Variants in PKD1L1 observed in about 807,000 individuals in gnomAD.
PKD1L1 encodes the protein polycystin 1 like 1, transient receptor potential channel interacting.
A neutral mutation model predicts 323.4 loss-of-function variants in PKD1L1; 236 were observed. The ratio of observed to expected loss-of-function variants is 0.73; its 90% CI spans 0.66 to 0.81. The LOEUF is 0.81. Ranked by LOEUF, PKD1L1 falls within the 40% of genes least tolerant of loss-of-function variation. The pLI is 0.00. For missense variants in PKD1L1, 3,320 were observed against 3,508.0 expected, an observed-to-expected ratio of 0.95 and a Z score of 1.35; for synonymous variants, 1,344 against 1,335.0, an observed-to-expected ratio of 1.01 and a Z score of -0.15.
chr7:47,938,633 G>A (rs1036637451), intron 3 of PKD1L1, among the ~76,000 whole-genome samples: 1 of 152,316 alleles, frequency 6.6e-6, no homozygotes, highest in East Asian at 1.9e-4. Context: ...AGAGCAGAGC[G>A]GCCAGAATGC....
chr7:47,937,705 C>G (rs80325961), intron 3 of PKD1L1, among the ~76,000 whole-genome samples: 1 of 152,008 alleles, frequency 6.6e-6, no homozygotes, highest in Non-Finnish European at 1.5e-5. Flanking sequence ...ATGGGGTGGC[C>G]GGGCTGGCTG....
chr7:47,796,864 G>T (rs1165351178), intron 54 of PKD1L1, among the ~76,000 whole-genome samples: 11 of 150,582 alleles, frequency 7.3e-5, no homozygotes, highest in African/African-American at 2.4e-4. Flanking sequence ...GCTGGGTGTG[G>T]TGGTGGGCAC....
chr7:47,870,491 C>CA (rs149874257), intron 24 of PKD1L1, among the ~76,000 whole-genome samples: 2,599 of 150,764 alleles, frequency 0.017, 57 homozygotes, highest in African/African-American at 0.059. Context: ...AACTGTATGC[C>CA]AAAAAAAATA....
chr7:47,829,728 A>G (rs2128734920), intron 43 of PKD1L1, 127 bp from the exon 44 acceptor site: 6 of 1,040,150 alleles, frequency 5.8e-6, no homozygotes, highest in Non-Finnish European at 8.3e-6. Context: ...ACCAGTAGTC[A>G]CTGCCTTGGA....
chr7:47,792,859 A>C (rs1184641453), intron 55 of PKD1L1, 62 bp from the exon 56 acceptor site: 80 of 1,462,944 alleles, frequency 5.5e-5, no homozygotes, highest in Non-Finnish European at 6.1e-5. Flanking sequence ...CCCTTTCCTC[A>C]TTATGTGAAG....
At chr7:47,926,794 C>T (rs771465228) in intron 7 of PKD1L1, among the ~76,000 whole-genome samples, 2 of 151,948 alleles carry the variant, frequency 1.3e-5, no homozygotes, top group Admixed American at 6.5e-5. Flanking sequence ...TTGTGGCAAC[C>T]GAATTCCAGC....
At chr7:47,785,105 T>C (rs1392028335) in intron 56 of PKD1L1, among the ~76,000 whole-genome samples, 5 of 152,158 alleles carry the variant, frequency 3.3e-5, no homozygotes, top group Non-Finnish European at 7.3e-5. Context: ...TCTAGGAATA[T>C]ACTGGTCCTT....
intron 8 of PKD1L1, among the ~76,000 whole-genome samples, chr7:47,911,572 C>G (rs547446114): frequency 6.6e-6 from 1 of 152,138 alleles, no homozygotes; most frequent in African/African-American, 2.4e-5. Context: ...ATATACTTAG[C>G]CTTCTACTTA....
rs762222020 is a variant in PKD1L1 at position 47,833,131 on chromosome 7, G to C, written c.6296C>G (p.Ser2099Cys). Residue 2099 changes from serine (S) to cysteine (C), a missense_variant, in exon 41 of 57, where the codon TCT becomes TGT. Transcript: ENST00000289672. Reference protein sequence around the residue: ...QVHGADHSRTSLMGKSHCCPP... With the variant: ...QVHGADHSRTCLMGKSHCCPP... The stretch of plus-strand genomic sequence containing the variant: ...GCAGCAGTGGCTTTTCCCCATCAGA[G>C]AAGTCCTGCTGTGGTCAGCCCCATG... The C allele has an allele frequency of 2.5e-6, 4 of 1,612,266 alleles. No homozygotes were observed. Among genetic ancestry groups the C allele is most frequent in the Non-Finnish European group, 3.4e-6 (4 of 1,179,338 alleles).
intron 31 of PKD1L1, among the ~76,000 whole-genome samples, chr7:47,851,192 C>T (rs751531665): frequency 5.9e-5 from 9 of 152,112 alleles, no homozygotes; most frequent in Non-Finnish European, 1.2e-4. Flanking sequence ...CATCAATGAG[C>T]CAAGCCTCAT....
chr7:47,781,041 C>A (rs117123876), intron 56 of PKD1L1, among the ~76,000 whole-genome samples: 1 of 152,134 alleles, frequency 6.6e-6, no homozygotes, highest in African/African-American at 2.4e-5. Flanking sequence ...GTGATGTGGT[C>A]TTTGCATTCT....
intron 7 of PKD1L1, among the ~76,000 whole-genome samples, chr7:47,917,647 T>C (rs1375538049): frequency 6.6e-6 from 1 of 152,188 alleles, no homozygotes; most frequent in African/African-American, 2.4e-5. Flanking sequence ...GCAGAAACCC[T>C]ATAAGCCGGA....
chr7:47,874,155 G>A (rs75840264), intron 23 of PKD1L1, 145 bp from the exon 24 acceptor site: 1 of 597,712 alleles, frequency 1.7e-6, no homozygotes, highest in Non-Finnish European at 3.0e-6. Flanking sequence ...AGGGAGCCCA[G>A]GGAGTGAAAT....
In PKD1L1 at chr7:47,890,673, A is replaced by C; in HGVS notation, c.2544T>G (p.Thr848=). Residue 848 remains threonine, a synonymous_variant, in exon 16 of 57, where the codon ACT becomes ACG. Coordinates refer to ENST00000289672, the MANE Select transcript of PKD1L1 (RefSeq NM_138295.5). ...TGAGCCATTGTGCCTCAAAGGAAAC[A>C]GTGGGAGCCGCGGCATCCAGTTGGT... ...TAHQLDAAAP[T]VSFEAQWLSD... 1.9e-6 allele frequency: 3 copies of C among 1,614,072 alleles called. No homozygotes were observed. The South Asian group carries it at 3.3e-5, about 18-fold the overall frequency.
rs1014394413 is a variant in PKD1L1, at chr7:47,946,715, G to A, written c.44+1682C>T. ...ACAGGCCTAACTCCATGAAATGAGG[G>A]CTACAGGAGAGTCAAGAAACCTCTT... On this transcript the variant is annotated intron_variant, in intron 1 of 56. Transcript: ENST00000289672. The surrounding 1 kb of genome is among the most constrained non-coding windows in gnomAD (Gnocchi z 4.1). Among the ~76,000 whole-genome samples the A allele has an allele frequency of 6.6e-6, 1 of 152,014 alleles. No homozygotes were observed. Among genetic ancestry groups the A allele is most frequent in the African/African-American group, 2.4e-5 (1 of 41,396 alleles).
chr7:47,882,186 T>C, intron 19 of PKD1L1, 101 bp from the exon 20 acceptor site: 4 of 1,199,206 alleles, frequency 3.3e-6, no homozygotes, highest in Non-Finnish European at 3.6e-6. Flanking sequence ...ATTTGTACTA[T>C]TGCTGGATAC....
intron 7 of PKD1L1, among the ~76,000 whole-genome samples, chr7:47,917,742 A>G (rs923363048): frequency 1.3e-5 from 2 of 152,248 alleles, no homozygotes; most frequent in African/African-American, 4.8e-5. Context: ...CATGAAGAAA[A>G]GATACAGTCT....
At chr7:47,789,296 A>G (rs1217353674) in intron 56 of PKD1L1, among the ~76,000 whole-genome samples, 1 of 152,222 alleles carries the variant, frequency 6.6e-6, no homozygotes, top group African/African-American at 2.4e-5. Context: ...AGTTTGTTGC[A>G]TAATAAACAA....
chr7:47,953,002 T>C (rs1199054380), upstream of PKD1L1, among the ~76,000 whole-genome samples: 1 of 152,194 alleles, frequency 6.6e-6, no homozygotes, highest in African/African-American at 2.4e-5. Context: ...CTTTGGCCAC[T>C]TGGAGTGTAG....
Sources: gnomAD v4.1 joint callset for allele counts (sites outside exome capture counted in the v4.1 genomes callset) on GRCh38, gnomAD v4.1.1 for gene constraint, Gnocchi (gnomAD v3.1) non-coding constraint, MANE v1.5 for transcripts, NCBI Gene and HGNC (gene_info 2026-07-23, HGNC 2026-07-21) for gene names.